The following ERBB4 variants were observed in gnomAD, a reference collection of about 807,000 sequenced individuals.
The protein encoded by ERBB4 is receptor tyrosine-protein kinase erbB-4.
Under a neutral mutation model 158.0 loss-of-function variants are expected in ERBB4, and 42 were observed. The ratio of observed to expected loss-of-function variants is 0.27; its 90% CI spans 0.21 to 0.34. ERBB4 has a LOEUF of 0.34. Among genes scored for constraint, ERBB4 ranks in the 10% least tolerant of loss-of-function variants. The probability of loss-of-function intolerance (pLI) is 1.00; values close to 1 mark genes in which losing one functional copy is unlikely to be tolerated. For synonymous variants in ERBB4, 583 were observed against 558.7 expected (o/e 1.04, Z -0.61); for missense variants, 1,333 against 1,624.1 (o/e 0.82, Z 3.08).
At chr2:211,813,727 C>G (rs963588028) in intron 3 of ERBB4, among the ~76,000 whole-genome samples, 5 of 151,958 alleles carry the variant, frequency 3.3e-5, no homozygotes, top group Non-Finnish European at 5.9e-5. Context: ...GGACAGTAAA[C>G]TAGTTCTCAT....
intron 1 of ERBB4, among the ~76,000 whole-genome samples, chr2:212,456,992 AG>A (rs1364156412): frequency 6.6e-6 from 1 of 151,974 alleles, no homozygotes; most frequent in Non-Finnish European, 1.5e-5. Flanking sequence ...CATCTACCAC[AG>A]TATTTACTCT....
At chr2:212,433,313 A>G (rs569258616) in intron 1 of ERBB4, among the ~76,000 whole-genome samples, 1 of 152,144 alleles carries the variant, frequency 6.6e-6, no homozygotes, top group African/African-American at 2.4e-5. Flanking sequence ...AATCTGTATA[A>G]AAGAAGAGAA....
intron 3 of ERBB4, among the ~76,000 whole-genome samples, chr2:211,870,359 G>T (rs2078313527): frequency 6.6e-6 from 1 of 152,006 alleles, no homozygotes; most frequent in African/African-American, 2.4e-5. Context: ...TTGTGGAATT[G>T]TATTGAAATA....
chr2:212,189,943 A>G (rs1487276781), intron 1 of ERBB4, among the ~76,000 whole-genome samples: 1 of 152,216 alleles, frequency 6.6e-6, no homozygotes, highest in African/African-American at 2.4e-5. Flanking sequence ...TTTTATGTAT[A>G]ATATTATTCA....
intron 2 of ERBB4, among the ~76,000 whole-genome samples, chr2:211,973,772 A>ATATG (rs2081526417): frequency 6.6e-6 from 1 of 152,186 alleles, no homozygotes; most frequent in Non-Finnish European, 1.5e-5. Flanking sequence ...CTATAATAGC[A>ATATG]CATGCATGTG....
chr2:212,462,905 T>C (rs1268086246), intron 1 of ERBB4, among the ~76,000 whole-genome samples: 1 of 152,070 alleles, frequency 6.6e-6, no homozygotes, highest in Non-Finnish European at 1.5e-5. Context: ...TTATACACAA[T>C]AGAATACTCT....
At chr2:211,975,737 T>C (rs2081588283) in intron 2 of ERBB4, among the ~76,000 whole-genome samples, 1 of 152,186 alleles carries the variant, frequency 6.6e-6, no homozygotes, top group Non-Finnish European at 1.5e-5. Context: ...AATTTTTCAA[T>C]ATGTCATTAG....
At chr2:211,705,296 C>G in intron 10 of ERBB4, 22 bp downstream of exon 10, 1 of 1,509,416 alleles carries the variant, frequency 6.6e-7, no homozygotes, top group South Asian at 1.1e-5. Flanking sequence ...CATAGCGCAA[C>G]AGTTGCAGTT....
intron 2 of ERBB4, among the ~76,000 whole-genome samples, chr2:212,080,334 AAAAATT>A (rs909524749): frequency 1.3e-5 from 2 of 151,428 alleles, no homozygotes; most frequent in South Asian, 4.2e-4. Flanking sequence ...GAATAAAAAT[AAAAATT>A]AAAATTAAAA....
intron 1 of ERBB4, among the ~76,000 whole-genome samples, chr2:212,429,903 T>C (rs1415245978): frequency 6.6e-6 from 1 of 152,240 alleles, no homozygotes; most frequent in Non-Finnish European, 1.5e-5. Flanking sequence ...ATAGGTTCTT[T>C]TAATTAATAT....
At chr2:211,761,230 A>T (rs2106240565) in intron 4 of ERBB4, among the ~76,000 whole-genome samples, 1 of 151,840 alleles carries the variant, frequency 6.6e-6, no homozygotes, top group South Asian at 2.1e-4. Flanking sequence ...GAAAATAAAA[A>T]GCATCCTTAT....
At chr2:211,590,020 TTC>T (rs2068412747) in intron 19 of ERBB4, among the ~76,000 whole-genome samples, 2 of 152,204 alleles carry the variant, frequency 1.3e-5, no homozygotes, top group Admixed American at 6.5e-5. Context: ...TACACATTTA[TTC>T]TGTTTCTAGA....
At chr2:212,520,112 C>A (rs1011230063) in intron 1 of ERBB4, among the ~76,000 whole-genome samples, 1 of 151,814 alleles carries the variant, frequency 6.6e-6, no homozygotes, top group African/African-American at 2.4e-5. Context: ...ATAATTTAAA[C>A]ATATTTGTCT....
chr2:212,020,989 T>C (rs1247482190), intron 2 of ERBB4, among the ~76,000 whole-genome samples: 1 of 152,194 alleles, frequency 6.6e-6, no homozygotes, highest in Non-Finnish European at 1.5e-5. Flanking sequence ...AATGTATTTA[T>C]GGATTACATA....
intron 3 of ERBB4, among the ~76,000 whole-genome samples, chr2:211,856,480 G>T (rs2077866732): frequency 6.6e-6 from 1 of 151,802 alleles, no homozygotes; most frequent in Admixed American, 6.6e-5. Context: ...CTGCCTCCCG[G>T]GTTCACGCCA....
chr2:212,223,456 G>C (rs185361469), intron 1 of ERBB4, among the ~76,000 whole-genome samples: 4 of 147,532 alleles, frequency 2.7e-5, no homozygotes, highest in African/African-American at 9.9e-5. Flanking sequence ...ATTTCTTGAA[G>C]GTACTTCTTG....
chr2:211,768,721 A>T (rs76541142), intron 4 of ERBB4, among the ~76,000 whole-genome samples: 4,203 of 152,242 alleles, frequency 0.028, 204 homozygotes, highest in African/African-American at 0.097. Context: ...GATTGCACAA[A>T]GCAGCAAGGC....
intron 1 of ERBB4, among the ~76,000 whole-genome samples, chr2:212,430,598 A>AC (rs536673555): frequency 5.1e-4 from 77 of 151,876 alleles, no homozygotes; most frequent in African/African-American, 1.7e-3. Flanking sequence ...CTACCACCAC[A>AC]CCTAGCTAAT....
intron 3 of ERBB4, among the ~76,000 whole-genome samples, chr2:211,809,090 T>G (rs1418412021): frequency 2.0e-5 from 3 of 152,164 alleles, no homozygotes; most frequent in Non-Finnish European, 2.9e-5. Flanking sequence ...CAATTTGACT[T>G]CCTCTTTTCC....
Sources: allele counts gnomAD v4.1 joint callset (sites outside exome capture counted in the v4.1 genomes callset), GRCh38; gene constraint gnomAD v4.1.1; transcripts MANE v1.5; gene names NCBI Gene and HGNC (gene_info 2026-07-23, HGNC 2026-07-21).